Variants in TTLL3 observed in about 807,000 individuals in gnomAD.
The protein encoded by TTLL3 is tubulin monoglycylase TTLL3.
TTLL3 carries 63 observed loss-of-function variants against 75.2 expected under a neutral mutation model. The ratio of observed to expected loss-of-function variants is 0.84; its 90% CI spans 0.68 to 1.03. The LOEUF (loss-of-function observed/expected upper bound fraction) is 1.03, where lower values mean the gene tolerates loss of function less well. Among genes scored for constraint, TTLL3 ranks in the 50% least tolerant of loss-of-function variants. TTLL3 has a pLI of 0.00. For missense variants in TTLL3, 997 were observed against 1,069.9 expected, an observed-to-expected ratio of 0.93 and a Z score of 0.95; for synonymous variants, 393 against 418.5, an observed-to-expected ratio of 0.94 and a Z score of 0.74.
At chr3:9,816,036 A>G (rs1386452342) in intron 4 of TTLL3, 38 bp from the exon 5 acceptor site, 1 of 1,334,362 alleles carries the variant, frequency 7.5e-7, no homozygotes, top group South Asian at 1.2e-5. Flanking sequence ...TGCTACCCAC[A>G]CTGGCCTCTG....
At chr3:9,817,414 A>C in intron 5 of TTLL3, 1 of 980,278 alleles carries the variant, frequency 1.0e-6, no homozygotes, top group Non-Finnish European at 1.2e-6. Flanking sequence ...ACAGAGTGAG[A>C]CTCCATCTCA....
In TTLL3 at chr3:9,810,301, A is replaced by T. The variant is rs2079219392; in HGVS notation, c.-135A>T. ...GCGCCGCCTCAGCGGCGCCTTCAAGACGCTGGTCCCAGGCACCCACGCCCA... is the reference window on the plus strand; with the variant it reads ...GCGCCGCCTCAGCGGCGCCTTCAAGTCGCTGGTCCCAGGCACCCACGCCCA... On this transcript the variant is annotated 5_prime_UTR_variant, in exon 1 of 14. Transcript: ENST00000685419. This position sits in a 1 kb window ranked among gnomAD's most constrained non-coding sequence, Gnocchi z 4.4. 1.3e-6 allele frequency: 2 copies of T among 1,492,572 alleles called. No homozygotes were observed. Among genetic ancestry groups the T allele is most frequent in the African/African-American group, 1.5e-5 (1 of 68,262 alleles). 92.5% of individuals were successfully genotyped at this position (1,492,572 alleles called of 1,614,324 possible).
chr3:9,825,701 C>G, intron 8 of TTLL3, 99 bp from the exon 9 acceptor site: 3 of 1,607,310 alleles, frequency 1.9e-6, no homozygotes, highest in Non-Finnish European at 2.5e-6. Flanking sequence ...CCAAGGCTGC[C>G]TGGATGACGG....
intron 6 of TTLL3, 197 bp from the exon 7 acceptor site, chr3:9,818,625 C>T: frequency 6.4e-6 from 9 of 1,402,274 alleles, no homozygotes; most frequent in South Asian, 2.9e-5. Context: ...ACCTCAGCCT[C>T]CCAAAGTGCT....
rs2079218246 is a variant in TTLL3, at chr3:9,810,290, G to A, written c.-146G>A. 1.3e-6 allele frequency: 2 copies of A among 1,500,408 alleles called. No individual in the cohort carries two copies. Among genetic ancestry groups the A allele is most frequent in the East Asian group, 2.7e-5 (1 of 37,350 alleles). 92.9% of individuals were successfully genotyped at this position (1,500,408 alleles called of 1,614,324 possible). A position where few individuals can be genotyped will look rare whatever the true frequency, so the allele number is the denominator to read the frequency against. On this transcript the variant is annotated 5_prime_UTR_variant, in exon 1 of 14. Transcript: ENST00000685419. The surrounding 1 kb of genome is among the most constrained non-coding windows in gnomAD (Gnocchi z 4.4). ...CCCGCCCCTGCGCGCCGCCTCAGCGGCGCCTTCAAGACGCTGGTCCCAGGC... is the reference window on the plus strand; with the variant it reads ...CCCGCCCCTGCGCGCCGCCTCAGCGACGCCTTCAAGACGCTGGTCCCAGGC...
At chr3:9,816,773 G>A (rs1043002629) in intron 5 of TTLL3, among the ~76,000 whole-genome samples, 6 of 151,720 alleles carry the variant, frequency 4.0e-5, no homozygotes, top group Non-Finnish European at 7.4e-5. Flanking sequence ...CTGGGATTTC[G>A]GGCACGAGCC....
chr3:9,829,516 C>T lies in TTLL3; in HGVS notation c.1683+121C>T, dbSNP rs537717081. The T allele has an allele frequency of 2.8e-5, 37 of 1,308,146 alleles. No homozygotes were observed. The African/African-American group carries it at 4.9e-4, about 17-fold the overall frequency. The allele number at this position is 1,308,146 out of a possible 1,614,324, so 81.0% of individuals were successfully genotyped here. On this transcript the variant is annotated intron_variant, in intron 11 of 13. Transcript: ENST00000685419. Reference sequence around the variant, plus strand: ...TTAAGACCCAGATTCAAGTCCTGGTCCTGCTAAGGTGACCTCACTTCCTTG... The same window carrying T: ...TTAAGACCCAGATTCAAGTCCTGGTTCTGCTAAGGTGACCTCACTTCCTTG...
chr3:9,816,358 G>A (rs1336248762), intron 5 of TTLL3, among the ~76,000 whole-genome samples, 156 bp downstream of exon 5: 1 of 152,092 alleles, frequency 6.6e-6, no homozygotes, highest in Non-Finnish European at 1.5e-5. Context: ...TATCTGGCAA[G>A]TTCAAATCCA....
Position 9,810,276 on chromosome 3 carries a change from G to GC in TTLL3, c.-159dup. The GC allele has an allele frequency of 6.6e-7, 1 of 1,504,438 alleles. No homozygotes were observed. The highest frequency in any genetic ancestry group is 1.2e-5 in the South Asian group (1 of 81,040). The allele number at this position is 1,504,438 out of a possible 1,614,324, so 93.2% of individuals were successfully genotyped here. A position where few individuals can be genotyped will look rare whatever the true frequency, so the allele number is the denominator to read the frequency against. On this transcript the variant is annotated 5_prime_UTR_variant, in exon 1 of 14. Transcript: ENST00000685419. This position sits in a 1 kb window ranked among gnomAD's most constrained non-coding sequence, Gnocchi z 4.4. ...GCCAGGCGGGCAGCCCCGCCCCTGC[G>GC]CGCCGCCTCAGCGGCGCCTTCAAGA... is the stretch of plus-strand genomic sequence containing the variant.
At position 9,835,771 on chromosome 3, in the gene TTLL3, C is replaced by A; in HGVS notation, c.*282C>A. ...AGCTAGCAGAATGACACCTACCGGG[C>A]ATAGGAACGTTAATGCCATGAGACA... is the stretch of plus-strand genomic sequence containing the variant. On this transcript the variant is annotated 3_prime_UTR_variant, in exon 14 of 14. Transcript: ENST00000685419. The A allele has an allele frequency of 5.0e-6, 2 of 403,018 alleles. No individual in the cohort carries two copies. Among genetic ancestry groups the A allele is most frequent in the Non-Finnish European group, 8.8e-6 (2 of 226,636 alleles). 25.0% of individuals were successfully genotyped at this position (403,018 alleles called of 1,614,324 possible).
chr3:9,825,777 C>T (rs758974748), intron 8 of TTLL3, 23 bp from the exon 9 acceptor site: 91 of 1,613,888 alleles, frequency 5.6e-5, no homozygotes, highest in Non-Finnish European at 6.7e-5. Flanking sequence ...CAGCCCTGCC[C>T]AAGTTCTATC....
At chr3:9,826,578 C>G (rs544462521) in intron 9 of TTLL3, among the ~76,000 whole-genome samples, 2 of 151,842 alleles carry the variant, frequency 1.3e-5, no homozygotes, top group Non-Finnish European at 2.9e-5. Context: ...ACTAAAAATA[C>G]AAAAATTGGC....
rs1181748981 is a variant in TTLL3, at chr3:9,820,650, C to G, written c.763C>G (p.His255Asp). 6.2e-7 allele frequency: 1 copy of G among 1,614,104 alleles called. No individual in the cohort carries two copies. The highest frequency in any genetic ancestry group is 1.7e-5 in the Admixed American group (1 of 59,992). The change falls in exon 8 of 14, where the codon CAC (histidine) becomes GAC (aspartate). Residue 255 changes from histidine to aspartate, a missense_variant. Transcript: ENST00000685419. ...CGAGGAGTACCTTAGCAACTTGGCC[C>G]ACATGGACATCGACAAGGACCTGGA... The part of the protein sequence containing the change: ...ACEEYLSNLA[H>D]MDIDKDLEAP...
At chr3:9,814,796 G>C (rs915907838) in intron 4 of TTLL3, among the ~76,000 whole-genome samples, 7 of 152,098 alleles carry the variant, frequency 4.6e-5, no homozygotes, top group Non-Finnish European at 1.0e-4. Flanking sequence ...ACTTCAGCCT[G>C]GGTGACAGAA....
chr3:9,812,650 C>A (rs2079465529), intron 2 of TTLL3: 2 of 209,536 alleles, frequency 9.5e-6, no homozygotes, highest in East Asian at 1.1e-4. Context: ...TCAGCCTGGG[C>A]AACAGAGTGA....
chr3:9,810,135 C>T (rs1371370017), upstream of TTLL3: 1 of 1,472,858 alleles, frequency 6.8e-7, no homozygotes. This position sits in a 1 kb window ranked among gnomAD's most constrained non-coding sequence, Gnocchi z 4.4. Context: ...CGCAGCCGCT[C>T]GAGCCACGCA....
chr3:9,826,225 C>T (rs2081026146), intron 9 of TTLL3, among the ~76,000 whole-genome samples: 1 of 152,176 alleles, frequency 6.6e-6, no homozygotes, highest in African/African-American at 2.4e-5. Flanking sequence ...CCTCAACGTG[C>T]TTCAATTTAT....
chr3:9,836,116 CTG>C lies in TTLL3; in HGVS notation c.*628_*629del, dbSNP rs1365660436. On this transcript the variant is annotated 3_prime_UTR_variant, in exon 14 of 14. Coordinates refer to ENST00000685419, the MANE Select transcript of TTLL3 (RefSeq NM_001387446.1). ...TTGAGCCCGCAAGTTCAAGACCAGT[CTG>C]GGCAACATGGTGAAACCGTTTCTAC... The C allele has an allele frequency of 6.6e-6, 1 of 152,102 alleles. No homozygotes were observed. Among genetic ancestry groups the C allele is most frequent in the Non-Finnish European group, 1.5e-5 (1 of 68,080 alleles). 9.4% of individuals were successfully genotyped at this position (152,102 alleles called of 1,614,324 possible). A position where few individuals can be genotyped will look rare whatever the true frequency, so the allele number is the denominator to read the frequency against.
intron 2 of TTLL3, among the ~76,000 whole-genome samples, chr3:9,811,796 T>C (rs2079376947): frequency 6.6e-6 from 1 of 152,246 alleles, no homozygotes; most frequent in South Asian, 2.1e-4. Context: ...CAGTTCCTTC[T>C]GACCTCTCTC....
Sources: gnomAD v4.1 joint callset for allele counts (sites outside exome capture counted in the v4.1 genomes callset) on GRCh38, gnomAD v4.1.1 for gene constraint, Gnocchi (gnomAD v3.1) non-coding constraint, MANE v1.5 for transcripts, NCBI Gene and HGNC (gene_info 2026-07-23, HGNC 2026-07-21) for gene names.